PSD: variants seen among roughly 807,000 people sequenced by gnomAD.
PSD encodes the protein PH and SEC7 domain-containing protein 1.
Under a neutral mutation model 91.6 loss-of-function variants are expected in PSD, and 32 were observed. The ratio of observed to expected loss-of-function variants is 0.35; its 90% confidence interval spans 0.26 to 0.47. The LOEUF (loss-of-function observed/expected upper bound fraction) is 0.47. Among genes scored for constraint, PSD ranks in the 20% least tolerant of loss-of-function variants. PSD has a pLI of 1.00. For synonymous variants in PSD, 532 were observed against 569.3 expected (o/e 0.93, Z 0.93); for missense variants, 1,099 against 1,373.9 (o/e 0.80, Z 3.16).
At position 102,406,800 on chromosome 10, in the gene PSD, T is replaced by C. The variant is rs578172940; in HGVS notation, c.2135+423A>G. Reference sequence around the variant, plus strand: ...GATTACAGGCGTGAGCCACCTCGCCTGGCCGAGTATCTATGTTTCTATTGG... The same window carrying C: ...GATTACAGGCGTGAGCCACCTCGCCCGGCCGAGTATCTATGTTTCTATTGG... On this transcript the variant is annotated intron_variant, in intron 11 of 16. Transcript: ENST00000020673. Among the ~76,000 whole-genome samples the C allele has an allele frequency of 2.3e-4, 35 of 152,360 alleles. 1 individual carries two copies. The South Asian group carries it at 3.3e-3, about 14-fold the overall frequency.
rs1175548351 is a variant in PSD, at chr10:102,405,078, C to T, written c.2398-23G>A. 6.2e-7 allele frequency: 1 copy of T among 1,612,844 alleles called. No homozygotes were observed. On this transcript the variant is annotated intron_variant, in intron 13 of 16. Transcript: ENST00000020673. The surrounding 1 kb of genome is among the most constrained non-coding windows in gnomAD (Gnocchi z 5.4). The stretch of plus-strand genomic sequence containing the variant: ...CTCCTGCAGGGGTGTCCATCTTGTC[C>T]TGGCCCCAAATGCAGCCTGGCCCAG...
At position 102,410,787 on chromosome 10, in the gene PSD, T is replaced by G; in HGVS notation, c.2091+71A>C. On this transcript the variant is annotated intron_variant, in intron 10 of 16. Coordinates refer to ENST00000020673, the MANE Select transcript of PSD (RefSeq NM_002779.5). This position sits in a 1 kb window ranked among gnomAD's most constrained non-coding sequence, Gnocchi z 6.0. Reference sequence around the variant, plus strand: ...GCCCCAGCCCTGCCCTCCCTCCGACTCTGGACTCCGTCGCCGACTGGGTCC... The same window carrying G: ...GCCCCAGCCCTGCCCTCCCTCCGACGCTGGACTCCGTCGCCGACTGGGTCC... 1 of 983,088 alleles carries G rather than the reference T, an allele frequency of 1.0e-6. No homozygotes were observed. 60.9% of individuals were successfully genotyped at this position (983,088 alleles called of 1,614,324 possible).
chr10:102,416,446 C>T lies in PSD; in HGVS notation c.593G>A (p.Gly198Asp), dbSNP rs748144645. 1 of 1,611,010 alleles carries T rather than the reference C, an allele frequency of 6.2e-7. No individual in the cohort carries two copies. Among genetic ancestry groups the T allele is most frequent in the South Asian group, 1.1e-5 (1 of 90,572 alleles). ...GAGTGTGGCCAGGCGCTCAGGGGGG[C>T]CCCCCAGCCCATTGGGGAGAGAGGA... Reference protein sequence around the residue: ...LYSSLPNGLGGPPERLATLFG... With the variant: ...LYSSLPNGLGDPPERLATLFG... The change falls in exon 2 of 17, where the codon GGC (glycine) becomes GAC (aspartate). Residue 198 changes from glycine (G) to aspartate (D), a missense_variant. Gly to Asp is a moderately conservative substitution (Grantham distance 94). Coordinates refer to ENST00000020673, the MANE Select transcript of PSD (RefSeq NM_002779.5). This position sits in a 1 kb window ranked among gnomAD's most constrained non-coding sequence, Gnocchi z 6.0.
rs765506960 is a variant in PSD, at chr10:102,409,734, G to T, written c.2091+1124C>A. Among the ~76,000 whole-genome samples the T allele has an allele frequency of 1.2e-4, 18 of 151,998 alleles. No individual in the cohort carries two copies. Among genetic ancestry groups the T allele is most frequent in the Non-Finnish European group, 2.2e-4 (15 of 67,996 alleles). On this transcript the variant is annotated intron_variant, in intron 10 of 16. Coordinates refer to ENST00000020673, the MANE Select transcript of PSD (RefSeq NM_002779.5). This position sits in a 1 kb window ranked among gnomAD's most constrained non-coding sequence, Gnocchi z 5.7. ...AACAAACCAGACGCACCAGTTCACG[G>T]TCACCCCAACTCGCAGACACTACCC... is the stretch of plus-strand genomic sequence containing the variant.
chr10:102,405,350 C>T lies in PSD; in HGVS notation c.2322G>A (p.Arg774=), dbSNP rs760426988. 3.1e-6 allele frequency: 5 copies of T among 1,611,112 alleles called. No individual in the cohort carries two copies. In the South Asian group the frequency reaches 4.4e-5, roughly 14 times the overall value. The part of the protein sequence containing the change: ...VRKVHADPDC[R]KTPRGKRGWK... ...CCCCGCAACTCGGCCACATACTCTT[C>T]CTGCAGTCAGGGTCTGCGTGCACCT... Residue 774 remains arginine (R), a synonymous_variant, in exon 12 of 17, where the codon AGG becomes AGA. Transcript: ENST00000020673. This position sits in a 1 kb window ranked among gnomAD's most constrained non-coding sequence, Gnocchi z 5.4.
chr10:102,411,177 T>C, intron 8 of PSD, 61 bp from the exon 9 acceptor site: 1 of 1,491,924 alleles, frequency 6.7e-7, no homozygotes, highest in Non-Finnish European at 9.1e-7. Context: ...ACAGCCATCT[T>C]CCCCAACCTC....
In PSD at chr10:102,403,478, C is replaced by T; in HGVS notation, c.2845-48G>A. Reference sequence around the variant, plus strand: ...GTGAGAGCCTCTTCTCTGCCTTCTGCCCACCCCACCATCTGGACCAGGGAG... The same window carrying T: ...GTGAGAGCCTCTTCTCTGCCTTCTGTCCACCCCACCATCTGGACCAGGGAG... On this transcript the variant is annotated intron_variant, in intron 16 of 16. Transcript: ENST00000020673. The surrounding 1 kb of genome is among the most constrained non-coding windows in gnomAD (Gnocchi z 6.7). 2.0e-6 allele frequency: 3 copies of T among 1,517,914 alleles called. No individual in the cohort carries two copies. Among genetic ancestry groups the T allele is most frequent in the Non-Finnish European group, 2.7e-6 (3 of 1,125,308 alleles). The allele number at this position is 1,517,914 out of a possible 1,614,324, so 94.0% of individuals were successfully genotyped here.
At chr10:102,417,245 A>G (rs1238778311) in intron 1 of PSD, 124 bp from the exon 2 acceptor site, 1 of 551,458 alleles carries the variant, frequency 1.8e-6, no homozygotes, top group Admixed American at 3.5e-5. Flanking sequence ...CACCCTGGTA[A>G]TATGGGATCA....
chr10:102,405,358 CAG>C lies in PSD; in HGVS notation c.2312_2313del (p.Pro771ArgfsTer58). On this transcript the variant is annotated frameshift_variant, in exon 12 of 17. Transcript: ENST00000020673. LOFTEE classifies it high-confidence loss of function. This position sits in a 1 kb window ranked among gnomAD's most constrained non-coding sequence, Gnocchi z 5.4. ...CTCGGCCACATACTCTTCCTGCAGT[CAG>C]GGTCTGCGTGCACCTTTCGCACCAG... ...GALVRKVHADPDCRKTPRGKR... is the reference protein window; with the variant it reads ...GALVRKVHADXDCRKTPRGKR... The C allele has an allele frequency of 6.2e-7, 1 of 1,611,716 alleles. No individual in the cohort carries two copies. The highest frequency in any genetic ancestry group is 8.5e-7 in the Non-Finnish European group (1 of 1,179,222).
chr10:102,407,120 C>G, intron 11 of PSD, 103 bp downstream of exon 11: 1 of 1,077,202 alleles, frequency 9.3e-7, no homozygotes, highest in Non-Finnish European at 1.3e-6. Flanking sequence ...TCTCACTCCC[C>G]TCCCCTACCC....
intron 11 of PSD, 110 bp downstream of exon 11, chr10:102,407,113 C>G: frequency 1.0e-6 from 1 of 982,772 alleles, no homozygotes; most frequent in Non-Finnish European, 1.4e-6. Context: ...CATGGCCTCT[C>G]ACTCCCCTCC....
Position 102,405,135 on chromosome 10 carries a change from C to A in PSD, c.2397+48G>T. On this transcript the variant is annotated intron_variant, in intron 13 of 16. Coordinates refer to ENST00000020673, the MANE Select transcript of PSD (RefSeq NM_002779.5). This position sits in a 1 kb window ranked among gnomAD's most constrained non-coding sequence, Gnocchi z 5.4. ...CTATTCCCACCCATCACCCCACACC[C>A]ACCAGCCAACTCAGTCCCAGCCCCA... The A allele has an allele frequency of 1.2e-6, 2 of 1,610,746 alleles. No homozygotes were observed. Among genetic ancestry groups the A allele is most frequent in the Non-Finnish European group, 1.7e-6 (2 of 1,179,272 alleles).
chr10:102,405,659 G>A lies in PSD; in HGVS notation c.2136-123C>T. 1 of 884,718 alleles carries A rather than the reference G, an allele frequency of 1.1e-6. No homozygotes were observed. Among genetic ancestry groups the A allele is most frequent in the Non-Finnish European group, 1.7e-6 (1 of 591,880 alleles). 54.8% of individuals were successfully genotyped at this position (884,718 alleles called of 1,614,324 possible). A position where few individuals can be genotyped will look rare whatever the true frequency, so the allele number is the denominator to read the frequency against. ...TGTGGCTTGGGGGGCTCAACCTGAG[G>A]GTCCTGCCATGTCTCCCGTCTCAGA... is the stretch of plus-strand genomic sequence containing the variant. On this transcript the variant is annotated intron_variant, in intron 11 of 16. Transcript: ENST00000020673. The surrounding 1 kb of genome is among the most constrained non-coding windows in gnomAD (Gnocchi z 5.4).
rs2061479172 is a variant in PSD at position 102,416,253 on chromosome 10, G to A, written c.654+132C>T. On this transcript the variant is annotated intron_variant, in intron 2 of 16. Transcript: ENST00000020673. This position sits in a 1 kb window ranked among gnomAD's most constrained non-coding sequence, Gnocchi z 6.0. ...GTTCAGAGACACAGAGACAAACACAGAGGGCAAGAGAGAGGCAGATTTAGA... is the reference window on the plus strand; with the variant it reads ...GTTCAGAGACACAGAGACAAACACAAAGGGCAAGAGAGAGGCAGATTTAGA... 3.2e-6 allele frequency: 4 copies of A among 1,247,494 alleles called. No homozygotes were observed. In the East Asian group the frequency reaches 7.6e-5, roughly 24 times the overall value. 77.3% of individuals were successfully genotyped at this position (1,247,494 alleles called of 1,614,324 possible).
Position 102,416,816 on chromosome 10 carries a change from A to T in PSD, c.223T>A (p.Ser75Thr). Residue 75 changes from serine (S) to threonine (T), a missense_variant, in exon 2 of 17, where the codon TCA becomes ACA. Transcript: ENST00000020673. This position sits in a 1 kb window ranked among gnomAD's most constrained non-coding sequence, Gnocchi z 6.0. ...CAGGGTGAGGGAGCAACACGGGGTG[A>T]GGGGGGGCCACGCAGAGGTGTACAG... ...APCTPLRGPP[S>T]PRVAPSPWAP... 6.3e-7 allele frequency: 1 copy of T among 1,598,140 alleles called. No individual in the cohort carries two copies. The highest frequency in any genetic ancestry group is 8.5e-7 in the Non-Finnish European group (1 of 1,171,890).
Position 102,405,470 on chromosome 10 carries a change from C to G in PSD, c.2202G>C (p.Arg734=), listed in dbSNP as rs746239457. The G allele has an allele frequency of 1.2e-6, 2 of 1,614,028 alleles. No homozygotes were observed. The highest frequency in any genetic ancestry group is 2.2e-5 in the South Asian group (2 of 91,078). Reference sequence around the variant, plus strand: ...AGCCACTGCCACTGCCCCCGCTGATCCGCTTGATGACCTTGGGGTTGGGGT... The same window carrying G: ...AGCCACTGCCACTGCCCCCGCTGATGCGCTTGATGACCTTGGGGTTGGGGT... ...LADPNPKVIK[R]ISGGSGSGSS... The change falls in exon 12 of 17, where the codon CGG becomes CGC. Residue 734 remains arginine, a synonymous_variant. Coordinates refer to ENST00000020673, the MANE Select transcript of PSD (RefSeq NM_002779.5). The surrounding 1 kb of genome is among the most constrained non-coding windows in gnomAD (Gnocchi z 5.4).
chr10:102,415,268 A>G (rs2061465979), intron 3 of PSD, 39 bp from the exon 4 acceptor site: 1 of 1,549,506 alleles, frequency 6.5e-7, no homozygotes. Flanking sequence ...GAGGTTATCC[A>G]CGTCAGCTCC....
In PSD at chr10:102,410,465, C is replaced by T. The variant is rs748949259; in HGVS notation, c.2091+393G>A. On this transcript the variant is annotated intron_variant, in intron 10 of 16. Transcript: ENST00000020673. This position sits in a 1 kb window ranked among gnomAD's most constrained non-coding sequence, Gnocchi z 6.0. ...AAGGTCTTTTTGGCTGTCCACGCGG[C>T]GGGGGAGCAGTGTGGAGTGTACCCC... 1.1e-4 allele frequency among the ~76,000 whole-genome samples: 16 copies of T among 152,210 alleles called. No homozygotes were observed. Among genetic ancestry groups the T allele is most frequent in the Non-Finnish European group, 2.4e-4 (16 of 68,034 alleles).
intron 5 of PSD, among the ~76,000 whole-genome samples, chr10:102,412,889 C>G (rs1383190225): frequency 6.6e-6 from 1 of 152,102 alleles, no homozygotes; most frequent in Admixed American, 6.5e-5. Flanking sequence ...CCCACCCTGG[C>G]CCTACACAGA....
Sources: allele counts gnomAD v4.1 joint callset (sites outside exome capture counted in the v4.1 genomes callset), GRCh38; gene constraint gnomAD v4.1.1; non-coding constraint Gnocchi (gnomAD v3.1); transcripts MANE v1.5; gene names NCBI Gene and HGNC (gene_info 2026-07-23, HGNC 2026-07-21).